CCDC146: variants seen among roughly 807,000 people sequenced by gnomAD.
CCDC146 encodes the protein coiled-coil domain containing 146.
A neutral mutation model predicts 119.3 loss-of-function variants in CCDC146; 92 were observed. That is an observed-to-expected ratio of 0.77 (90% CI 0.65 to 0.92). CCDC146 has a LOEUF of 0.92. Among genes scored for constraint, CCDC146 ranks in the 40% least tolerant of loss-of-function variants. CCDC146 has a pLI of 0.00. For synonymous variants in CCDC146, 372 were observed against 371.8 expected (o/e 1.00, Z -0.01); for missense variants, 1,000 against 1,103.0 (o/e 0.91, Z 1.32).
intron 11 of CCDC146, among the ~76,000 whole-genome samples, 172 bp from the exon 12 acceptor site, chr7:77,278,580 G>T (rs35619640): frequency 0.023 from 3,483 of 151,550 alleles, 71 homozygotes; most frequent in Middle Eastern, 0.037. Flanking sequence ...TGAGTAGCTG[G>T]GACTACAGGT....
chr7:77,182,587 A>G (rs907331046), intron 2 of CCDC146, among the ~76,000 whole-genome samples: 2 of 152,112 alleles, frequency 1.3e-5, no homozygotes, highest in Non-Finnish European at 2.9e-5. Context: ...GCCTGGCAGC[A>G]CAGTGAGACT....
intron 1 of CCDC146, among the ~76,000 whole-genome samples, chr7:77,124,586 T>G (rs1790667954): frequency 6.6e-6 from 1 of 152,174 alleles, no homozygotes. Flanking sequence ...CCTGACACCT[T>G]TGAAGAAAAA....
chr7:77,273,663 T>C (rs377732564), intron 9 of CCDC146, 31 bp from the exon 10 acceptor site: 3 of 1,515,742 alleles, frequency 2.0e-6, no homozygotes, highest in Non-Finnish European at 2.7e-6. Flanking sequence ...ATTTCTTACA[T>C]AAATGCATGT....
In CCDC146 at chr7:77,139,905, C is replaced by CT. The variant is rs1257158391; in HGVS notation, c.-12+17185dup. On this transcript the variant is annotated intron_variant, in intron 1 of 18. Coordinates refer to ENST00000285871, the MANE Select transcript of CCDC146 (RefSeq NM_020879.3). ...TTCCTTTCTTTCTTTATTTCTTTTT[C>CT]TTTTTTTTTTTTGAGACAGAGTCTT... 9.1e-3 allele frequency among the ~76,000 whole-genome samples: 1,302 copies of CT among 143,114 alleles called. 38 individuals carry two copies. Among genetic ancestry groups the CT allele is most frequent in the African/African-American group, 0.021 (817 of 38,238 alleles). The allele number at this position is 143,114 out of a possible 152,430, so 93.9% of individuals were successfully genotyped here.
intron 2 of CCDC146, among the ~76,000 whole-genome samples, chr7:77,223,295 T>C (rs1351034490): frequency 6.6e-6 from 1 of 152,238 alleles, no homozygotes; most frequent in Non-Finnish European, 1.5e-5. Context: ...GGCATGATTT[T>C]TATTTATTTA....
chr7:77,294,022 A>C (rs565290266), intron 18 of CCDC146, among the ~76,000 whole-genome samples: 3 of 152,306 alleles, frequency 2.0e-5, no homozygotes, highest in Admixed American at 1.3e-4. Flanking sequence ...GTGGTGTCCC[A>C]CTGCCATTTA....
chr7:77,197,240 A>G (rs1209081990), intron 2 of CCDC146, among the ~76,000 whole-genome samples: 2 of 152,256 alleles, frequency 1.3e-5, no homozygotes, highest in Non-Finnish European at 2.9e-5. Flanking sequence ...CGACAATAAG[A>G]AAATAATAAA....
At chr7:77,260,355 C>A in intron 8 of CCDC146, 119 bp downstream of exon 8, 1 of 672,828 alleles carries the variant, frequency 1.5e-6, no homozygotes, top group South Asian at 2.3e-5. Context: ...AATTTTAAAT[C>A]AACTTTTACC....
At position 77,175,969 on chromosome 7, in the gene CCDC146, T is replaced by C. The variant is rs377298112; in HGVS notation, c.156+8145T>C. On this transcript the variant is annotated intron_variant, in intron 2 of 18. Transcript: ENST00000285871. The stretch of plus-strand genomic sequence containing the variant: ...GCATATGAGGATACAAGCAGTGTTA[T>C]CAGAAGGGAAAGGGAGGCTTGACTG... 6.6e-5 allele frequency among the ~76,000 whole-genome samples: 10 copies of C among 151,236 alleles called. No individual in the cohort carries two copies. The East Asian group carries it at 1.2e-3, about 18-fold the overall frequency.
In CCDC146 at chr7:77,191,888, C is replaced by T. The variant is rs192896105; in HGVS notation, c.156+24064C>T. ...TGGTGCTACTGCACTCCAGCCTGGG[C>T]GACAGAGCAAGACTCCATCTCAAAA... On this transcript the variant is annotated intron_variant, in intron 2 of 18. Coordinates refer to ENST00000285871, the MANE Select transcript of CCDC146 (RefSeq NM_020879.3). Among the ~76,000 whole-genome samples, 199 of 151,784 alleles carry T rather than the reference C, an allele frequency of 1.3e-3. 4 individuals carry two copies. The East Asian group carries it at 0.032, about 24-fold the overall frequency.
chr7:77,276,714 C>T (rs1793648401), intron 11 of CCDC146, among the ~76,000 whole-genome samples: 1 of 152,108 alleles, frequency 6.6e-6, no homozygotes, highest in Non-Finnish European at 1.5e-5. Flanking sequence ...CTTCAAAGCA[C>T]AGGGTGGCTA....
chr7:77,228,444 A>G (rs375731240), intron 2 of CCDC146, among the ~76,000 whole-genome samples: 1 of 152,204 alleles, frequency 6.6e-6, no homozygotes, highest in African/African-American at 2.4e-5. Context: ...TTTGCTAAGG[A>G]TAATGGCCTC....
chr7:77,189,016 C>T (rs184467352), intron 2 of CCDC146, among the ~76,000 whole-genome samples: 1 of 152,152 alleles, frequency 6.6e-6, no homozygotes, highest in Non-Finnish European at 1.5e-5. Context: ...ACCAGGTTAT[C>T]TAATCCCATG....
intron 1 of CCDC146, among the ~76,000 whole-genome samples, chr7:77,137,786 C>T (rs145559022): frequency 0.018 from 2,698 of 151,974 alleles, 85 homozygotes; most frequent in African/African-American, 0.062. Flanking sequence ...CCAGGATAGC[C>T]AACCCAATAT....
At chr7:77,142,101 G>A (rs943648643) in intron 1 of CCDC146, among the ~76,000 whole-genome samples, 2 of 152,080 alleles carry the variant, frequency 1.3e-5, no homozygotes, top group African/African-American at 4.8e-5. Context: ...CAAACCCACA[G>A]CCAATATCAT....
chr7:77,127,125 C>T (rs1343671030), intron 1 of CCDC146, among the ~76,000 whole-genome samples: 1 of 152,124 alleles, frequency 6.6e-6, no homozygotes, highest in Non-Finnish European at 1.5e-5. Context: ...TGCCTGGGTC[C>T]CGTGGGTGAG....
intron 3 of CCDC146, among the ~76,000 whole-genome samples, chr7:77,240,453 T>C (rs1438682293): frequency 6.6e-6 from 1 of 152,222 alleles, no homozygotes; most frequent in Non-Finnish European, 1.5e-5. Context: ...AATCCATGGA[T>C]ACTCCAGTCC....
At chr7:77,189,503 C>T (rs1413251749) in intron 2 of CCDC146, among the ~76,000 whole-genome samples, 1 of 152,208 alleles carries the variant, frequency 6.6e-6, no homozygotes, top group Non-Finnish European at 1.5e-5. Flanking sequence ...ACAAAAGCGA[C>T]CCCTTTAAAA....
At chr7:77,190,345 A>G (rs954165351) in intron 2 of CCDC146, among the ~76,000 whole-genome samples, 1 of 152,228 alleles carries the variant, frequency 6.6e-6, no homozygotes, top group African/African-American at 2.4e-5. Context: ...TTCCTTAATC[A>G]GGCAACCTCA....
Sources: gnomAD v4.1 joint callset for allele counts (sites outside exome capture counted in the v4.1 genomes callset) on GRCh38, gnomAD v4.1.1 for gene constraint, MANE v1.5 for transcripts, NCBI Gene and HGNC (gene_info 2026-07-23, HGNC 2026-07-21) for gene names.